Variants in SRPK2 observed in about 807,000 individuals in gnomAD.
SRPK2 encodes the protein SFRS protein kinase 2.
SRPK2 carries 21 observed loss-of-function variants against 90.8 expected under a neutral mutation model. That is an observed-to-expected ratio of 0.23 (90% CI 0.16 to 0.33). SRPK2 has a LOEUF of 0.33. Among genes scored for constraint, SRPK2 ranks in the 10% least tolerant of loss-of-function variants. The pLI is 1.00. For synonymous variants in SRPK2, 288 were observed against 311.1 expected (o/e 0.93, Z 0.78); for missense variants, 620 against 869.0 (o/e 0.71, Z 3.60).
intron 2 of SRPK2, among the ~76,000 whole-genome samples, chr7:105,374,565 T>C (rs1246639576): frequency 6.6e-6 from 1 of 152,204 alleles, no homozygotes; most frequent in Non-Finnish European, 1.5e-5. Context: ...AGAATGTTAG[T>C]CATTAATAAT....
chr7:105,255,946 A>C (rs962125472), intron 2 of SRPK2, among the ~76,000 whole-genome samples: 19 of 149,984 alleles, frequency 1.3e-4, no homozygotes, highest in Admixed American at 4.0e-4. Flanking sequence ...AAAAAGAGAG[A>C]GAGCGAGAAC....
intron 2 of SRPK2, among the ~76,000 whole-genome samples, chr7:105,308,650 T>A (rs997221943): frequency 6.6e-6 from 1 of 152,220 alleles, no homozygotes; most frequent in Non-Finnish European, 1.5e-5. Context: ...AGCTTTAATG[T>A]ATCACAAGGT....
At chr7:105,225,096 G>A (rs1206502993) in intron 2 of SRPK2, among the ~76,000 whole-genome samples, 3 of 152,148 alleles carry the variant, frequency 2.0e-5, no homozygotes, top group African/African-American at 7.2e-5. Flanking sequence ...GAAGGCTGAG[G>A]TGGGAGGATC....
chr7:105,219,315 C>G (rs1694527893), intron 2 of SRPK2, among the ~76,000 whole-genome samples: 1 of 152,166 alleles, frequency 6.6e-6, no homozygotes, highest in Non-Finnish European at 1.5e-5. Flanking sequence ...TCTCCTTACT[C>G]CACTCTGCTC....
chr7:105,288,279 TAAAA>T (rs1176187355), intron 2 of SRPK2, among the ~76,000 whole-genome samples: 2 of 152,030 alleles, frequency 1.3e-5, no homozygotes, highest in Non-Finnish European at 2.9e-5. Context: ...TCACTGAACT[TAAAA>T]TAAATAAATA....
chr7:105,247,501 C>T (rs532755416), intron 2 of SRPK2, among the ~76,000 whole-genome samples: 4 of 144,274 alleles, frequency 2.8e-5, no homozygotes, highest in African/African-American at 1.0e-4. Context: ...ACCGGAGTGC[C>T]ATACATACCA....
chr7:105,158,956 T>C (rs544254126), intron 7 of SRPK2, among the ~76,000 whole-genome samples: 5 of 152,208 alleles, frequency 3.3e-5, no homozygotes, highest in South Asian at 2.1e-4. Context: ...AGTTGTTCAT[T>C]TGAGATATCA....
intron 3 of SRPK2, among the ~76,000 whole-genome samples, chr7:105,196,966 T>C (rs1431391774): frequency 6.6e-6 from 1 of 151,928 alleles, no homozygotes; most frequent in Non-Finnish European, 1.5e-5. Context: ...AGGAGAATTG[T>C]TTGTACCCGG....
chr7:105,320,628 G>A (rs1812831432), intron 2 of SRPK2, among the ~76,000 whole-genome samples: 1 of 152,224 alleles, frequency 6.6e-6, no homozygotes, highest in Admixed American at 6.5e-5. Flanking sequence ...TAGTTATAAA[G>A]CTAATTTTGC....
intron 2 of SRPK2, among the ~76,000 whole-genome samples, chr7:105,293,496 C>G (rs1809352306): frequency 6.6e-6 from 1 of 151,662 alleles, no homozygotes; most frequent in Non-Finnish European, 1.5e-5. Context: ...TCCCCCTCCA[C>G]CCCCCACCCC....
intron 2 of SRPK2, among the ~76,000 whole-genome samples, chr7:105,225,648 T>C (rs1798618096): frequency 6.6e-6 from 1 of 152,234 alleles, no homozygotes; most frequent in Non-Finnish European, 1.5e-5. Flanking sequence ...AGAGATACAA[T>C]TTTAATTGTA....
chr7:105,310,163 A>G (rs1387758263), intron 2 of SRPK2, among the ~76,000 whole-genome samples: 1 of 152,198 alleles, frequency 6.6e-6, no homozygotes, highest in Non-Finnish European at 1.5e-5. Flanking sequence ...TGAGCCTGGG[A>G]GGAATACTGC....
intron 2 of SRPK2, among the ~76,000 whole-genome samples, chr7:105,281,421 C>T (rs1370293208): frequency 6.6e-6 from 1 of 152,082 alleles, no homozygotes; most frequent in Non-Finnish European, 1.5e-5. Context: ...GCAAAAACCG[C>T]AATTACATTT....
At chr7:105,338,360 C>T (rs1815357180) in intron 2 of SRPK2, among the ~76,000 whole-genome samples, 3 of 152,190 alleles carry the variant, frequency 2.0e-5, no homozygotes, top group Admixed American at 1.3e-4. Flanking sequence ...CTCAGCCTTC[C>T]GAGCAGCTGG....
At chr7:105,163,924 G>T (rs1031562680) in intron 6 of SRPK2, among the ~76,000 whole-genome samples, 5 of 152,170 alleles carry the variant, frequency 3.3e-5, no homozygotes, top group Non-Finnish European at 7.3e-5. Flanking sequence ...ATTGAAAACT[G>T]AAGTTGAGCA....
chr7:105,205,970 T>G (rs778129594), intron 2 of SRPK2: 1 of 518,988 alleles, frequency 1.9e-6, no homozygotes, highest in East Asian at 5.4e-5. Flanking sequence ...TAGAAACTAC[T>G]TGAAGAAAAG....
intron 11 of SRPK2, among the ~76,000 whole-genome samples, chr7:105,136,227 T>C (rs564624987): frequency 6.6e-6 from 1 of 152,370 alleles, no homozygotes; most frequent in East Asian, 1.9e-4. Flanking sequence ...AATAACTTAA[T>C]TGTATAAAAA....
intron 2 of SRPK2, among the ~76,000 whole-genome samples, chr7:105,366,045 G>A (rs950881365): frequency 1.2e-4 from 19 of 152,016 alleles, no homozygotes; most frequent in Non-Finnish European, 2.2e-4. Context: ...AGTAGAGACA[G>A]GGTTTCATGA....
At chr7:105,291,410 C>T (rs2131036952) in intron 2 of SRPK2, among the ~76,000 whole-genome samples, 1 of 152,252 alleles carries the variant, frequency 6.6e-6, no homozygotes, top group South Asian at 2.1e-4. Context: ...GAAGGCCGGA[C>T]ACAGTGGCTC....
Sources: gnomAD v4.1 joint callset for allele counts (sites outside exome capture counted in the v4.1 genomes callset) on GRCh38, gnomAD v4.1.1 for gene constraint, MANE v1.5 for transcripts, NCBI Gene and HGNC (gene_info 2026-07-23, HGNC 2026-07-21) for gene names.